The following DLGAP2 variants were observed in gnomAD, a reference collection of about 807,000 sequenced individuals.
The protein encoded by DLGAP2 is DLG associated protein 2, also known as disks large-associated protein 2.
DLGAP2 carries 26 observed loss-of-function variants against 100.3 expected under a neutral mutation model. That is an observed-to-expected ratio of 0.26 (90% CI 0.19 to 0.36). The LOEUF (loss-of-function observed/expected upper bound fraction) is 0.36. Ranked by LOEUF, DLGAP2 falls within the 10% of genes least tolerant of loss-of-function variation. DLGAP2 has a pLI of 1.00. For synonymous variants in DLGAP2, 886 were observed against 630.1 expected (o/e 1.41, Z -6.08); for missense variants, 1,858 against 1,453.2 (o/e 1.28, Z -4.53).
chr8:1,163,619 C>T (rs566943557), intron 2 of DLGAP2, among the ~76,000 whole-genome samples: 10 of 152,222 alleles, frequency 6.6e-5, no homozygotes, highest in Non-Finnish European at 1.5e-4. Flanking sequence ...ACCCCGGAAG[C>T]GCAGGGCCCG....
At chr8:1,529,246 T>C (rs756700942) in intron 4 of DLGAP2, among the ~76,000 whole-genome samples, 2 of 152,166 alleles carry the variant, frequency 1.3e-5, no homozygotes, top group Non-Finnish European at 2.9e-5. Flanking sequence ...CATCAGATCT[T>C]GTGAGATCTC....
intron 2 of DLGAP2, among the ~76,000 whole-genome samples, chr8:1,181,212 G>A (rs1176031285): frequency 1.5e-4 from 22 of 144,548 alleles, no homozygotes; most frequent in African/African-American, 5.7e-4. Context: ...TACACTTACT[G>A]TCGAGTGTGG....
intron 6 of DLGAP2, among the ~76,000 whole-genome samples, chr8:1,571,517 G>T (rs1802680425): frequency 7.6e-6 from 1 of 131,588 alleles, no homozygotes; most frequent in African/African-American, 2.9e-5. Flanking sequence ...CTGGAGGGTT[G>T]TCTTCTGGGA....
At chr8:782,747 A>C (rs1438555840) in intron 1 of DLGAP2, among the ~76,000 whole-genome samples, 3 of 152,130 alleles carry the variant, frequency 2.0e-5, no homozygotes, top group African/African-American at 7.2e-5. Flanking sequence ...TAGTTAATTC[A>C]TGAGGGTTTG....
intron 3 of DLGAP2, among the ~76,000 whole-genome samples, chr8:1,477,588 C>T (rs1224462125): frequency 2.0e-5 from 3 of 152,228 alleles, no homozygotes; most frequent in African/African-American, 7.2e-5. Flanking sequence ...ACTGTGGTTC[C>T]TAATTCCTCA....
intron 2 of DLGAP2, among the ~76,000 whole-genome samples, chr8:1,173,554 T>C (rs527667675): frequency 1.2e-3 from 177 of 152,248 alleles, no homozygotes; most frequent in African/African-American, 3.8e-3. Flanking sequence ...AGCTTCCCGG[T>C]TGCTTTGTTT....
chr8:1,228,012 A>G (rs1202019630), intron 2 of DLGAP2, among the ~76,000 whole-genome samples: 1 of 152,080 alleles, frequency 6.6e-6, no homozygotes, highest in Non-Finnish European at 1.5e-5. Context: ...GACATGTTAT[A>G]TACCTTAAAT....
intron 2 of DLGAP2, among the ~76,000 whole-genome samples, chr8:1,190,590 A>T (rs1037885036): frequency 1.3e-5 from 2 of 152,158 alleles, no homozygotes; most frequent in African/African-American, 4.8e-5. Flanking sequence ...GCCTGTCGCA[A>T]TCAGCATTGA....
chr8:1,689,914 A>G (rs1799213658), intron 12 of DLGAP2, among the ~76,000 whole-genome samples: 1 of 152,210 alleles, frequency 6.6e-6, no homozygotes, highest in South Asian at 2.1e-4. Flanking sequence ...GCTCTGGCAA[A>G]TAATATCCAG....
At chr8:1,195,886 A>T (rs1322158543) in intron 2 of DLGAP2, among the ~76,000 whole-genome samples, 1 of 152,152 alleles carries the variant, frequency 6.6e-6, no homozygotes, top group Non-Finnish European at 1.5e-5. Context: ...TCTTAACCGA[A>T]GTTTTTAGCA....
intron 9 of DLGAP2, 97 bp from the exon 10 acceptor site, chr8:1,669,646 G>A (rs746158688): frequency 1.0e-4 from 81 of 773,196 alleles, no homozygotes; most frequent in Non-Finnish European, 1.8e-4. Context: ...TGCGGCGCTG[G>A]TAGCTAGGCA....
chr8:1,300,301 G>C (rs1800302398), intron 3 of DLGAP2: 1 of 152,106 alleles, frequency 6.6e-6, no homozygotes, highest in Admixed American at 6.5e-5. Context: ...CCCTGGAGTG[G>C]GTACTTGGAC....
At chr8:1,494,726 T>TAAAAA in intron 3 of DLGAP2, among the ~76,000 whole-genome samples, 1 of 145,642 alleles carries the variant, frequency 6.9e-6, no homozygotes, top group East Asian at 2.0e-4. Flanking sequence ...AGACTCCATC[T>TAAAAA]AAAAAAAAAA....
chr8:1,356,660 G>A (rs79781619), intron 3 of DLGAP2, among the ~76,000 whole-genome samples: 6,779 of 152,218 alleles, frequency 0.045, 358 homozygotes, highest in African/African-American at 0.13. Flanking sequence ...AAACCGTGAC[G>A]GTTGGTGAAT....
chr8:1,220,482 T>G (rs984961906), intron 2 of DLGAP2, among the ~76,000 whole-genome samples: 1 of 152,180 alleles, frequency 6.6e-6, no homozygotes, highest in Non-Finnish European at 1.5e-5. Flanking sequence ...TTGGTATGAT[T>G]TGGGTTTATT....
rs143604042 is a variant in DLGAP2 at position 1,467,138 on chromosome 8, G to A, written c.107-34228G>A. 4.8e-3 allele frequency among the ~76,000 whole-genome samples: 724 copies of A among 151,730 alleles called. 5 individuals carry two copies. The highest frequency in any genetic ancestry group is 0.015 in the African/African-American group (637 of 41,248). ...GGGAGGGTCCGGCAGGGGCCTGGGA[G>A]GGTCAGTCCCAGATCCAGCCAGAGG... On this transcript the variant is annotated intron_variant, in intron 3 of 14. Transcript: ENST00000637795.
chr8:1,368,056 G>A (rs1405973748), intron 3 of DLGAP2, among the ~76,000 whole-genome samples: 2 of 152,274 alleles, frequency 1.3e-5, no homozygotes, highest in East Asian at 1.9e-4. Flanking sequence ...ACATTTTAAC[G>A]TGCATACCTA....
chr8:1,164,025 C>T (rs1036225767), intron 2 of DLGAP2, among the ~76,000 whole-genome samples: 1 of 152,240 alleles, frequency 6.6e-6, no homozygotes, highest in Non-Finnish European at 1.5e-5. Flanking sequence ...AGACGCTTTC[C>T]TTCATCTCCT....
At chr8:1,574,267 G>A (rs999494980) in intron 6 of DLGAP2, among the ~76,000 whole-genome samples, 3 of 152,134 alleles carry the variant, frequency 2.0e-5, no homozygotes, top group Admixed American at 6.5e-5. Flanking sequence ...GGGGGGTAAC[G>A]TGAGACAGGA....
Sources: allele counts gnomAD v4.1 joint callset (sites outside exome capture counted in the v4.1 genomes callset), GRCh38; gene constraint gnomAD v4.1.1; transcripts MANE v1.5; gene names NCBI Gene and HGNC (gene_info 2026-07-23, HGNC 2026-07-21).